ATG4C: variants seen among roughly 807,000 people sequenced by gnomAD.
ATG4C encodes the protein autophagy related 4C cysteine peptidase, also known as cysteine protease ATG4C.
In ATG4C, 56 loss-of-function variants were observed where a neutral mutation model predicts 57.6. The ratio of observed to expected loss-of-function variants is 0.97; its 90% CI spans 0.78 to 1.21. The LOEUF (loss-of-function observed/expected upper bound fraction) is 1.21, where lower values mean the gene tolerates loss of function less well. ATG4C is among the 50% of genes most tolerant of loss of function. The pLI is 0.00. For missense variants in ATG4C, 595 were observed against 529.8 expected (o/e 1.12, Z -1.21); for synonymous variants, 157 against 174.1 (o/e 0.90, Z 0.78).
At chr1:62,859,280 T>C (rs940695230) in intron 10 of ATG4C, among the ~76,000 whole-genome samples, 1 of 152,082 alleles carries the variant, frequency 6.6e-6, no homozygotes, top group African/African-American at 2.4e-5. Context: ...CTGAAAAAAA[T>C]CCAAAATGGA....
intron 6 of ATG4C, among the ~76,000 whole-genome samples, chr1:62,824,506 G>C (rs1665582828): frequency 6.6e-6 from 1 of 152,068 alleles, no homozygotes; most frequent in Non-Finnish European, 1.5e-5. Context: ...CAAGGAGTAT[G>C]GGTGTAAAGT....
intron 10 of ATG4C, among the ~76,000 whole-genome samples, chr1:62,844,216 C>G (rs1340492581): frequency 1.3e-5 from 2 of 152,096 alleles, no homozygotes; most frequent in African/African-American, 4.8e-5. Context: ...TGGCAAGCCT[C>G]CCACACAGTC....
At chr1:62,804,160 C>T (rs1664777606) in intron 2 of ATG4C, among the ~76,000 whole-genome samples, 1 of 150,656 alleles carries the variant, frequency 6.6e-6, no homozygotes, top group African/African-American at 2.4e-5. Flanking sequence ...AATCTCAGCT[C>T]ACTGCAACCT....
At chr1:62,821,117 A>G (rs1665466885) in intron 5 of ATG4C, 22 bp from the exon 6 acceptor site, 4 of 1,565,294 alleles carry the variant, frequency 2.6e-6, no homozygotes, top group Non-Finnish European at 2.6e-6. Flanking sequence ...ATTTTGAAAG[A>G]TAATGCTTGT....
chr1:62,811,138 G>A (rs574088864), intron 3 of ATG4C, among the ~76,000 whole-genome samples: 1 of 152,240 alleles, frequency 6.6e-6, no homozygotes, highest in South Asian at 2.1e-4. Context: ...AGAAGGTAGC[G>A]GCTTTCAGCC....
intron 10 of ATG4C, among the ~76,000 whole-genome samples, chr1:62,850,872 A>ATGTATG (rs1666495129): frequency 1.2e-5 from 1 of 80,340 alleles, no homozygotes; most frequent in African/African-American, 4.2e-5. Flanking sequence ...ATATATATAT[A>ATGTATG]TATATATATA....
intron 1 of ATG4C, among the ~76,000 whole-genome samples, chr1:62,799,269 A>G (rs1373506142): frequency 2.0e-5 from 3 of 152,346 alleles, no homozygotes; most frequent in Non-Finnish European, 4.4e-5. Flanking sequence ...TTACAGAAAA[A>G]TGGAATTTAA....
intron 1 of ATG4C, among the ~76,000 whole-genome samples, chr1:62,793,597 G>GAAAAAAAAAAAAAAAAAAAAAA: frequency 4.9e-5 from 1 of 20,530 alleles, no homozygotes; most frequent in Non-Finnish European, 8.9e-5. Context: ...ACCTTGTCTC[G>GAAAAAAAAAAAAAAAAAAAAAA]AAAAAAAAAA....
intron 10 of ATG4C, among the ~76,000 whole-genome samples, chr1:62,844,918 C>T (rs922509262): frequency 6.6e-6 from 1 of 152,026 alleles, no homozygotes; most frequent in East Asian, 1.9e-4. Flanking sequence ...CTAGCTTATT[C>T]ATTTAAACAG....
intron 2 of ATG4C, 70 bp downstream of exon 2, chr1:62,803,932 T>A: frequency 1.1e-6 from 1 of 909,790 alleles, no homozygotes; most frequent in Non-Finnish European, 1.7e-6. Flanking sequence ...TTTCCCCTCT[T>A]AAGTCACTGA....
At chr1:62,791,759 A>T (rs1664281124) in intron 1 of ATG4C, among the ~76,000 whole-genome samples, 1 of 152,226 alleles carries the variant, frequency 6.6e-6, no homozygotes, top group Non-Finnish European at 1.5e-5. Flanking sequence ...CCATGATAAC[A>T]TTCATATTTA....
At chr1:62,792,039 T>C (rs1404063088) in intron 1 of ATG4C, among the ~76,000 whole-genome samples, 1 of 152,120 alleles carries the variant, frequency 6.6e-6, no homozygotes, top group Non-Finnish European at 1.5e-5. Flanking sequence ...GCTTTGTCGC[T>C]CAGGCTGTCG....
Position 62,864,248 on chromosome 1 carries a change from C to A in ATG4C, c.*89C>A. 2.9e-6 allele frequency: 3 copies of A among 1,028,590 alleles called. No individual in the cohort carries two copies. The highest frequency in any genetic ancestry group is 3.4e-5 in the South Asian group (2 of 58,830). 63.7% of individuals were successfully genotyped at this position (1,028,590 alleles called of 1,614,324 possible). On this transcript the variant is annotated 3_prime_UTR_variant, in exon 11 of 11. Transcript: ENST00000317868. Reference sequence around the variant, plus strand: ...AGTATATCTGAAATGTTTATTTTCACAAATATCTTAATTTTATATGTTCTT... The same window carrying A: ...AGTATATCTGAAATGTTTATTTTCAAAAATATCTTAATTTTATATGTTCTT...
At chr1:62,822,890 C>G (rs931191256) in intron 6 of ATG4C, among the ~76,000 whole-genome samples, 2 of 152,308 alleles carry the variant, frequency 1.3e-5, no homozygotes, top group South Asian at 2.1e-4. Context: ...CACAGTGGCT[C>G]ATGCCTATAA....
rs1665401689 is a variant in ATG4C at position 62,819,262 on chromosome 1, A to G, written c.652A>G (p.Ile218Val). The G allele has an allele frequency of 3.7e-6, 6 of 1,613,386 alleles. No homozygotes were observed. Among genetic ancestry groups the G allele is most frequent in the Non-Finnish European group, 5.1e-6 (6 of 1,179,654 alleles). The change falls in exon 5 of 11, where the codon ATA becomes GTA. Residue 218 changes from isoleucine to valine, a missense_variant. By Grantham distance (29) the Ile-to-Val change is conservative (BLOSUM62 3). Coordinates refer to ENST00000317868, the MANE Select transcript of ATG4C (RefSeq NM_032852.4). ...GGCTCTTTTTGGCTTACATCAACTA[A>G]TAGAATATGGAAAGAAGTCTGGGAA... ...PLALFGLHQL[I>V]EYGKKSGKKA...
chr1:62,788,000 T>A (rs942005027), intron 1 of ATG4C, among the ~76,000 whole-genome samples: 2 of 152,084 alleles, frequency 1.3e-5, no homozygotes, highest in Non-Finnish European at 1.5e-5. Flanking sequence ...TATAAAATAG[T>A]TTTGCTTATT....
chr1:62,833,174 C>T (rs1665894560), intron 7 of ATG4C, among the ~76,000 whole-genome samples: 1 of 152,064 alleles, frequency 6.6e-6, no homozygotes, highest in African/African-American at 2.4e-5. Flanking sequence ...TCAAAACATC[C>T]TCTCATTTAA....
At chr1:62,806,664 A>T (rs1664889974) in intron 3 of ATG4C, among the ~76,000 whole-genome samples, 1 of 152,140 alleles carries the variant, frequency 6.6e-6, no homozygotes, top group Admixed American at 6.6e-5. Flanking sequence ...GGAGGAGGGG[A>T]TAAGAAAAGA....
At chr1:62,790,023 T>C (rs142320849) in intron 1 of ATG4C, among the ~76,000 whole-genome samples, 3,073 of 151,340 alleles carry the variant, frequency 0.02, 108 homozygotes, top group African/African-American at 0.071. Context: ...CAAGCGATTC[T>C]CCTGCCTCAG....
Sources: gnomAD v4.1 joint callset for allele counts (sites outside exome capture counted in the v4.1 genomes callset) on GRCh38, gnomAD v4.1.1 for gene constraint, MANE v1.5 for transcripts, NCBI Gene and HGNC (gene_info 2026-07-23, HGNC 2026-07-21) for gene names.